Variants in CSMD1 observed in about 807,000 individuals in gnomAD.
CSMD1 encodes CUB and sushi domain-containing protein 1.
Under a neutral mutation model 417.5 loss-of-function variants are expected in CSMD1, and 213 were observed. The observed-to-expected ratio is 0.51, with a 90% confidence interval of 0.46 to 0.57. CSMD1 has a LOEUF of 0.57. CSMD1 is among the 20% of genes least tolerant of loss of function. The probability of loss-of-function intolerance (pLI) is 0.00; values close to 1 mark genes in which losing one functional copy is unlikely to be tolerated. For synonymous variants in CSMD1, 2,862 were observed against 1,736.8 expected (o/e 1.65, Z -16.11); for missense variants, 6,923 against 4,529.7 (o/e 1.53, Z -15.17).
chr8:3,320,204 G>T (rs142373367), intron 23 of CSMD1, among the ~76,000 whole-genome samples: 14 of 152,216 alleles, frequency 9.2e-5, no homozygotes, highest in African/African-American at 3.4e-4. Context: ...CAACTAAGCA[G>T]TGGGGCCCGT....
At chr8:4,345,502 CAG>C (rs201872034) in intron 3 of CSMD1, among the ~76,000 whole-genome samples, 3,074 of 152,060 alleles carry the variant, frequency 0.02, 34 homozygotes, top group Middle Eastern at 0.031. Context: ...GCAAAGGAAA[CAG>C]TGACAAAGTG....
chr8:3,252,390 C>A (rs1160062062), intron 26 of CSMD1, among the ~76,000 whole-genome samples: 1 of 152,188 alleles, frequency 6.6e-6, no homozygotes, highest in Non-Finnish European at 1.5e-5. Flanking sequence ...GTTGAACCAG[C>A]CTTGCATCCC....
At chr8:4,391,784 T>G (rs1236024943) in intron 3 of CSMD1, among the ~76,000 whole-genome samples, 1 of 152,110 alleles carries the variant, frequency 6.6e-6, no homozygotes, top group African/African-American at 2.4e-5. Flanking sequence ...TCCCCTGAGT[T>G]TGAGCGGCTG....
In CSMD1 at chr8:4,632,386, C is replaced by T. The variant is rs906663445; in HGVS notation, c.302+4956G>A. On this transcript the variant is annotated intron_variant, in intron 2 of 69. Transcript: ENST00000635120. The stretch of plus-strand genomic sequence containing the variant: ...AAATTAGCCAGGTGTGGTGGTGCAC[C>T]CTGTAATCCCAGTTACTCAGGAGGC... Among the ~76,000 whole-genome samples, 5 of 96,398 alleles carry T rather than the reference C, an allele frequency of 5.2e-5. No individual in the cohort carries two copies. In the South Asian group the frequency reaches 1.7e-3, roughly 32 times the overall value. 63.2% of individuals were successfully genotyped at this position (96,398 alleles called of 152,430 possible).
chr8:4,954,356 T>C (rs1182801832), intron 1 of CSMD1, among the ~76,000 whole-genome samples: 1 of 152,164 alleles, frequency 6.6e-6, no homozygotes, highest in Non-Finnish European at 1.5e-5. Context: ...CATTTGTAAC[T>C]CTAAAGACAC....
chr8:4,481,771 G>T (rs34148656), intron 2 of CSMD1, among the ~76,000 whole-genome samples: 89 of 152,274 alleles, frequency 5.8e-4, no homozygotes, highest in Admixed American at 2.5e-3. Context: ...CCTAGTATAT[G>T]CCAGAGACTA....
At chr8:3,863,061 G>A (rs962693816) in intron 5 of CSMD1, among the ~76,000 whole-genome samples, 1 of 152,066 alleles carries the variant, frequency 6.6e-6, no homozygotes, top group African/African-American at 2.4e-5. Context: ...CTGCAGCATC[G>A]TCAAAGTGGA....
intron 3 of CSMD1, among the ~76,000 whole-genome samples, chr8:4,221,955 C>G (rs1348286223): frequency 6.6e-6 from 1 of 152,108 alleles, no homozygotes; most frequent in East Asian, 1.9e-4. Context: ...CACTGTCCAG[C>G]ACATCCATCT....
At chr8:3,618,287 G>A (rs35053270) in intron 7 of CSMD1, among the ~76,000 whole-genome samples, 54,239 of 151,982 alleles carry the variant, frequency 0.36, 10,036 homozygotes, top group Middle Eastern at 0.47. Flanking sequence ...TTACAGACAT[G>A]TGCAACCACA....
intron 37 of CSMD1, among the ~76,000 whole-genome samples, chr8:3,174,531 T>C (rs984861847): frequency 6.6e-6 from 1 of 152,174 alleles, no homozygotes; most frequent in South Asian, 2.1e-4. Flanking sequence ...AATTGAGACA[T>C]AAAGATCACT....
intron 41 of CSMD1, among the ~76,000 whole-genome samples, chr8:3,133,306 C>T (rs1459810424): frequency 6.6e-6 from 1 of 152,206 alleles, no homozygotes; most frequent in Admixed American, 6.5e-5. Context: ...GCTCTCTCAA[C>T]AGGAGGCTAC....
chr8:4,406,993 G>T (rs888342890), intron 3 of CSMD1, among the ~76,000 whole-genome samples: 2 of 152,162 alleles, frequency 1.3e-5, no homozygotes, highest in Non-Finnish European at 2.9e-5. Context: ...TAGCTTTAGG[G>T]TTGGGATTCC....
rs1005193249 is a variant in CSMD1 at position 2,935,962 on chromosome 8, C to T, written c.*2623G>A. ...TGTGGTCGCGTCCCTCACGCGTGTT[C>T]CCGTTGCCTTCAGGGAAGAGTCTTC... On this transcript the variant is annotated 3_prime_UTR_variant, in exon 70 of 70. Coordinates refer to ENST00000635120, the MANE Select transcript of CSMD1 (RefSeq NM_033225.6). The T allele has an allele frequency of 6.6e-6, 1 of 152,208 alleles. No homozygotes were observed. The highest frequency in any genetic ancestry group is 1.5e-5 in the Non-Finnish European group (1 of 68,034). The allele number at this position is 152,208 out of a possible 1,614,324, so 9.4% of individuals were successfully genotyped here. A position where few individuals can be genotyped will look rare whatever the true frequency, so the allele number is the denominator to read the frequency against.
chr8:3,796,513 CTATA>C (rs749720575), intron 5 of CSMD1, among the ~76,000 whole-genome samples: 2 of 139,470 alleles, frequency 1.4e-5, no homozygotes, highest in Non-Finnish European at 3.1e-5. Context: ...ATATATATAT[CTATA>C]TATCTATATC....
chr8:4,464,328 G>T (rs549812350), intron 2 of CSMD1, among the ~76,000 whole-genome samples: 1 of 152,116 alleles, frequency 6.6e-6, no homozygotes, highest in East Asian at 1.9e-4. Context: ...CTTACAGTGC[G>T]GTTATGTTCT....
At chr8:3,647,053 G>T (rs2469409) in intron 7 of CSMD1, among the ~76,000 whole-genome samples, 4 of 152,080 alleles carry the variant, frequency 2.6e-5, no homozygotes, top group African/African-American at 7.2e-5. Context: ...TTGCGTGTCA[G>T]CTCAGGTTTT....
intron 1 of CSMD1, among the ~76,000 whole-genome samples, chr8:4,856,802 C>G (rs935340380): frequency 6.6e-6 from 1 of 150,768 alleles, no homozygotes; most frequent in East Asian, 2.0e-4. Context: ...CTTAGACTCC[C>G]ACACATTAAT....
At chr8:4,043,793 A>G (rs555072651) in intron 3 of CSMD1, among the ~76,000 whole-genome samples, 1 of 152,308 alleles carries the variant, frequency 6.6e-6, no homozygotes, top group South Asian at 2.1e-4. Flanking sequence ...TATATATGGT[A>G]TTTCAAACCT....
chr8:3,992,974 C>G (rs557041303), intron 5 of CSMD1, among the ~76,000 whole-genome samples: 1 of 152,198 alleles, frequency 6.6e-6, no homozygotes. Flanking sequence ...AAGATGGAAA[C>G]GGCCACAGTT....
Sources: allele counts gnomAD v4.1 joint callset (sites outside exome capture counted in the v4.1 genomes callset), GRCh38; gene constraint gnomAD v4.1.1; transcripts MANE v1.5; gene names NCBI Gene and HGNC (gene_info 2026-07-23, HGNC 2026-07-21).